Variants in TRPC4AP observed in about 807,000 individuals in gnomAD.
TRPC4AP encodes short transient receptor potential channel 4-associated protein.
TRPC4AP carries 45 observed loss-of-function variants against 99.0 expected under a neutral mutation model. That is an observed-to-expected ratio of 0.45 (90% CI 0.36 to 0.58). The LOEUF is 0.58. Among genes scored for constraint, TRPC4AP ranks in the 20% least tolerant of loss-of-function variants. The pLI, the probability that TRPC4AP is intolerant of heterozygous loss-of-function variation, is 0.00. For synonymous variants in TRPC4AP, 408 were observed against 385.8 expected (o/e 1.06, Z -0.67); for missense variants, 879 against 985.3 (o/e 0.89, Z 1.44).
intron 1 of TRPC4AP, among the ~76,000 whole-genome samples, chr20:35,078,556 A>T (rs916263463): frequency 3.9e-5 from 6 of 152,358 alleles, no homozygotes; most frequent in Middle Eastern, 3.4e-3. Context: ...TAAGCCCATA[A>T]AAGGCAGAAA....
At chr20:35,057,848 C>A (rs757668094) in intron 3 of TRPC4AP, among the ~76,000 whole-genome samples, 1 of 152,112 alleles carries the variant, frequency 6.6e-6, no homozygotes, top group African/African-American at 2.4e-5. Context: ...GGATCTAATG[C>A]GGCTTTAATT....
intron 7 of TRPC4AP, among the ~76,000 whole-genome samples, chr20:35,036,642 GTAGAGA>G (rs1267138761): frequency 1.8e-4 from 27 of 152,146 alleles, no homozygotes; most frequent in African/African-American, 5.8e-4. Flanking sequence ...GTGAATGGGA[GTAGAGA>G]TAAAGTAAGA....
At chr20:35,025,381 C>A (rs1052551492) in intron 8 of TRPC4AP, among the ~76,000 whole-genome samples, 1 of 152,098 alleles carries the variant, frequency 6.6e-6, no homozygotes, top group African/African-American at 2.4e-5. Context: ...GAGATGAGGT[C>A]TTGCTCTGTT....
chr20:35,062,568 A>C (rs1162216269), intron 3 of TRPC4AP, among the ~76,000 whole-genome samples: 3 of 152,222 alleles, frequency 2.0e-5, no homozygotes, highest in Non-Finnish European at 4.4e-5. Context: ...TAAGCAAAAG[A>C]AGCCAGTCAC....
At chr20:35,051,879 C>G (rs200658674) in intron 5 of TRPC4AP, among the ~76,000 whole-genome samples, 2 of 152,264 alleles carry the variant, frequency 1.3e-5, no homozygotes, top group Non-Finnish European at 2.9e-5. Context: ...TATCAAAGTG[C>G]TACTCCTTTT....
At position 35,090,377 on chromosome 20, in the gene TRPC4AP, C is replaced by CTTTTTTTTTTTTTTTTT. The variant is rs71196792; in HGVS notation, c.168+2220_168+2236dup. Among the ~76,000 whole-genome samples the CTTTTTTTTTTTTTTTTT allele has an allele frequency of 2.2e-5, 2 of 88,992 alleles. 1 individual carries two copies. The highest frequency in any genetic ancestry group is 9.3e-5 in the African/African-American group (2 of 21,594). 58.4% of individuals were successfully genotyped at this position (88,992 alleles called of 152,430 possible). A position where few individuals can be genotyped will look rare whatever the true frequency, so the allele number is the denominator to read the frequency against. On this transcript the variant is annotated intron_variant, in intron 1 of 18. Transcript: ENST00000252015. ...TTCCAGCAGCCTTGTATCTGGTGAG[C>CTTTTTTTTTTTTTTTTT]TTTTTTTTTTTTTTTTTGAGATGAA...
chr20:35,030,630 G>A (rs2083166562), intron 8 of TRPC4AP, among the ~76,000 whole-genome samples: 1 of 152,102 alleles, frequency 6.6e-6, no homozygotes, highest in Admixed American at 6.5e-5. Context: ...TTACCATTTT[G>A]GTTCTCCTCA....
intron 10 of TRPC4AP, among the ~76,000 whole-genome samples, chr20:35,015,510 T>G (rs1364800798): frequency 9.0e-5 from 13 of 144,020 alleles, no homozygotes; most frequent in Non-Finnish European, 2.0e-4. Flanking sequence ...TTACGCAGGC[T>G]GGAGTCCAGT....
intron 8 of TRPC4AP, among the ~76,000 whole-genome samples, chr20:35,032,541 G>A (rs1055169258): frequency 2.2e-4 from 31 of 143,072 alleles, no homozygotes; most frequent in African/African-American, 7.4e-4. Flanking sequence ...GCAGGATCTC[G>A]GCTCACTGCA....
rs1431631094 is a variant in TRPC4AP, at chr20:35,006,464, A to C, written c.1798T>G (p.Phe600Val). ...MKFNVDAFKRFNKYINTDAKF... is the reference protein window; with the variant it reads ...MKFNVDAFKRVNKYINTDAKF... ...GCATCGGTGTTGATATATTTATTGA[A>C]TCTCTTGAATGCATCAACGTTGAAC... Residue 600 changes from phenylalanine (F) to valine (V), a missense_variant, in exon 15 of 19, where the codon TTC (phenylalanine) becomes GTC (valine). Physicochemically the swap from Phe to Val is conservative, Grantham distance 50 (BLOSUM62 -1). Around this residue, in one of 3 missense-constraint regions of TRPC4AP, gnomAD observed 224 missense variants for 264.7 expected, o/e 0.85. Coordinates refer to ENST00000252015, the MANE Select transcript of TRPC4AP (RefSeq NM_015638.3). 2.5e-6 allele frequency: 4 copies of C among 1,614,150 alleles called. No homozygotes were observed. Among genetic ancestry groups the C allele is most frequent in the Non-Finnish European group, 3.4e-6 (4 of 1,180,030 alleles).
At chr20:35,086,475 G>GTA (rs1555919360) in intron 1 of TRPC4AP, among the ~76,000 whole-genome samples, 3 of 116,448 alleles carry the variant, frequency 2.6e-5, no homozygotes, top group African/African-American at 9.6e-5. Context: ...GTGTGTGTGT[G>GTA]TATGTGTGTG....
chr20:35,013,752 C>T (rs547157084), intron 10 of TRPC4AP, among the ~76,000 whole-genome samples: 10 of 152,176 alleles, frequency 6.6e-5, no homozygotes, highest in Non-Finnish European at 1.5e-4. Context: ...CACACTAAGG[C>T]TTGGGTTTTA....
chr20:35,063,563 A>G (rs1229268277), intron 3 of TRPC4AP, among the ~76,000 whole-genome samples: 1 of 152,166 alleles, frequency 6.6e-6, no homozygotes, highest in Non-Finnish European at 1.5e-5. Flanking sequence ...TATTTCAATA[A>G]AGCTGTTATT....
intron 8 of TRPC4AP, among the ~76,000 whole-genome samples, chr20:35,030,677 T>C (rs1367715963): frequency 6.6e-6 from 1 of 152,262 alleles, no homozygotes; most frequent in East Asian, 1.9e-4. Context: ...TTTGGTGTCA[T>C]GATACTCCAT....
chr20:35,059,228 G>A (rs1254471067), intron 3 of TRPC4AP, among the ~76,000 whole-genome samples: 2 of 152,148 alleles, frequency 1.3e-5, no homozygotes, highest in Non-Finnish European at 2.9e-5. Context: ...AGAAATAAAG[G>A]AGAGGGCATT....
Position 35,041,022 on chromosome 20 carries a change from T to C in TRPC4AP, c.865+3483A>G, listed in dbSNP as rs377257881. On this transcript the variant is annotated intron_variant, in intron 7 of 18. Transcript: ENST00000252015. ...CCTCAATGACAGAGAGGAAAATTCATATGTGGATACAATAAAAAGGTGGCC... is the reference window on the plus strand; with the variant it reads ...CCTCAATGACAGAGAGGAAAATTCACATGTGGATACAATAAAAAGGTGGCC... Among the ~76,000 whole-genome samples the C allele has an allele frequency of 2.1e-4, 22 of 106,184 alleles. No homozygotes were observed. The East Asian group carries it at 4.7e-3, about 23-fold the overall frequency. 69.7% of individuals were successfully genotyped at this position (106,184 alleles called of 152,430 possible). A position where few individuals can be genotyped will look rare whatever the true frequency, so the allele number is the denominator to read the frequency against.
chr20:35,051,408 A>G (rs1301347624), intron 5 of TRPC4AP, among the ~76,000 whole-genome samples: 2 of 152,172 alleles, frequency 1.3e-5, no homozygotes, highest in Non-Finnish European at 2.9e-5. Flanking sequence ...CCTGGGCTCA[A>G]GCGATCCCCC....
chr20:35,083,931 T>G (rs1600666587), intron 1 of TRPC4AP, among the ~76,000 whole-genome samples: 1 of 150,562 alleles, frequency 6.6e-6, no homozygotes, highest in Non-Finnish European at 1.5e-5. Flanking sequence ...TAAACTGCAG[T>G]AGGGGAATGA....
At chr20:35,051,724 T>TG (rs1017445264) in intron 5 of TRPC4AP, among the ~76,000 whole-genome samples, 1 of 152,012 alleles carries the variant, frequency 6.6e-6, no homozygotes, top group Non-Finnish European at 1.5e-5. Context: ...GCAAAAGTTC[T>TG]GGAAGATCCA....
Sources: allele counts gnomAD v4.1 joint callset (sites outside exome capture counted in the v4.1 genomes callset), GRCh38; gene constraint gnomAD v4.1.1; regional missense constraint gnomAD v4.1.1; transcripts MANE v1.5; gene names NCBI Gene and HGNC (gene_info 2026-07-23, HGNC 2026-07-21).